Variants in CADM2 observed in about 807,000 individuals in gnomAD.
The protein encoded by CADM2 is cell adhesion molecule 2, also known as immunoglobulin superfamily member 4D.
In CADM2, 12 loss-of-function variants were observed where a neutral mutation model predicts 49.8. That is an observed-to-expected ratio of 0.24 (90% CI 0.15 to 0.39). CADM2 has a LOEUF of 0.39. Ranked by LOEUF, CADM2 falls within the 10% of genes least tolerant of loss-of-function variation. The pLI is 1.00. For synonymous variants in CADM2, 214 were observed against 175.4 expected (o/e 1.22, Z -1.74); for missense variants, 378 against 492.3 (o/e 0.77, Z 2.20).
chr3:85,199,333 T>TTGTGTGTG lies in CADM2; in HGVS notation c.61+239693_61+239700dup, dbSNP rs35067183. Among the ~76,000 whole-genome samples the TTGTGTGTG allele has an allele frequency of 9.0e-3, 1,207 of 134,452 alleles. 12 individuals carry two copies. The highest frequency in any genetic ancestry group is 0.033 in the Middle Eastern group (9 of 272). The allele number at this position is 134,452 out of a possible 152,430, so 88.2% of individuals were successfully genotyped here. On this transcript the variant is annotated intron_variant, in intron 1 of 9. Coordinates refer to ENST00000383699, the MANE Select transcript of CADM2 (RefSeq NM_001167675.2). ...AGAATGTCTTCTGATGTAACTCTCT[T>TTGTGTGTG]TGTGTGTGTGTGTGTGTGTGTGTGT...
intron 3 of CADM2, among the ~76,000 whole-genome samples, chr3:85,815,400 A>G (rs2073149210): frequency 6.6e-6 from 1 of 152,168 alleles, no homozygotes; most frequent in Non-Finnish European, 1.5e-5. Context: ...ATCCACCATG[A>G]TCAAGTCGGC....
chr3:85,257,810 A>C (rs2042923382), intron 1 of CADM2, among the ~76,000 whole-genome samples: 1 of 152,088 alleles, frequency 6.6e-6, no homozygotes, highest in African/African-American at 2.4e-5. Context: ...AGAGTTTTAA[A>C]AATCTATTTA....
At chr3:85,311,197 G>T (rs2044333468) in intron 1 of CADM2, among the ~76,000 whole-genome samples, 2 of 151,722 alleles carry the variant, frequency 1.3e-5, no homozygotes, top group Admixed American at 6.6e-5. Flanking sequence ...CTAATAATAG[G>T]ACTCTTAGCC....
intron 3 of CADM2, among the ~76,000 whole-genome samples, chr3:85,817,164 G>A (rs1033927154): frequency 4.6e-5 from 7 of 152,284 alleles, no homozygotes; most frequent in African/African-American, 1.7e-4. Context: ...GTACCAAAGT[G>A]TGGGTATTTT....
At chr3:85,568,193 C>A (rs890135515) in intron 1 of CADM2, among the ~76,000 whole-genome samples, 2 of 152,150 alleles carry the variant, frequency 1.3e-5, no homozygotes, top group Non-Finnish European at 2.9e-5. Flanking sequence ...GCAGAACCTG[C>A]GTTCTTAGAG....
rs148134910 is a variant in CADM2 at position 85,616,023 on chromosome 3, A to G, written c.62-110499A>G. ...TCTGAGCTTGCACTCTTGGTAAGAC[A>G]GTCTAGTAAGAGCTGATGAGCAGAG... On this transcript the variant is annotated intron_variant, in intron 1 of 9. Transcript: ENST00000383699. Among the ~76,000 whole-genome samples the G allele has an allele frequency of 9.6e-3, 1,454 of 152,142 alleles. 14 individuals carry two copies. The highest frequency in any genetic ancestry group is 0.014 in the Non-Finnish European group (957 of 67,984).
chr3:86,028,037 A>T, intron 8 of CADM2: 1 of 113,736 alleles, frequency 8.8e-6, no homozygotes, highest in Admixed American at 1.2e-4. Context: ...AACATCACAC[A>T]CCGGGGCCTG....
At chr3:85,898,318 A>G (rs1019479482) in intron 5 of CADM2, among the ~76,000 whole-genome samples, 1 of 152,038 alleles carries the variant, frequency 6.6e-6, no homozygotes, top group African/African-American at 2.4e-5. Context: ...CAATATATAG[A>G]TATTTAAATT....
chr3:85,481,382 T>C (rs2039203930), intron 1 of CADM2, among the ~76,000 whole-genome samples: 1 of 151,680 alleles, frequency 6.6e-6, no homozygotes, highest in Non-Finnish European at 1.5e-5. Flanking sequence ...CAAGTAATTA[T>C]TTTTATTCCT....
intron 1 of CADM2, among the ~76,000 whole-genome samples, chr3:85,132,929 T>C (rs142676540): frequency 0.1 from 15,878 of 152,000 alleles, 1,790 homozygotes; most frequent in African/African-American, 0.28. Context: ...TAAGGTGGCG[T>C]GTCTGGAGTT....
intron 1 of CADM2, among the ~76,000 whole-genome samples, chr3:85,473,712 G>T (rs1281953120): frequency 2.0e-5 from 3 of 152,018 alleles, no homozygotes; most frequent in Non-Finnish European, 4.4e-5. Flanking sequence ...GAAGAACTTT[G>T]TGTTATAATT....
At chr3:85,039,069 A>C (rs978499773) in intron 1 of CADM2, among the ~76,000 whole-genome samples, 2 of 152,130 alleles carry the variant, frequency 1.3e-5, no homozygotes, top group African/African-American at 4.8e-5. Flanking sequence ...GAGGAAGGCC[A>C]ATAAATGGTG....
intron 3 of CADM2, among the ~76,000 whole-genome samples, chr3:85,835,825 A>G (rs183189016): frequency 1.3e-5 from 2 of 149,858 alleles, no homozygotes; most frequent in East Asian, 2.0e-4. Flanking sequence ...TTATTATATT[A>G]TATTCCATCT....
chr3:85,946,425 A>C (rs1399943357), intron 7 of CADM2, among the ~76,000 whole-genome samples: 1 of 152,046 alleles, frequency 6.6e-6, no homozygotes, highest in East Asian at 1.9e-4. Context: ...ATTGGAAAAA[A>C]CTACTTTAAA....
intron 1 of CADM2, among the ~76,000 whole-genome samples, chr3:85,543,004 C>A (rs1043287992): frequency 3.3e-5 from 5 of 152,130 alleles, no homozygotes; most frequent in Admixed American, 1.3e-4. Flanking sequence ...GTCAAACTAT[C>A]ATTTTTATCA....
intron 1 of CADM2, among the ~76,000 whole-genome samples, chr3:85,240,970 C>T (rs778290554): frequency 1.3e-5 from 2 of 151,418 alleles, no homozygotes; most frequent in East Asian, 3.9e-4. Flanking sequence ...AAGCATTTAT[C>T]ACTAATGTTA....
chr3:85,561,380 A>T (rs560383241), intron 1 of CADM2, among the ~76,000 whole-genome samples: 8 of 152,186 alleles, frequency 5.3e-5, no homozygotes, highest in Non-Finnish European at 1.2e-4. Flanking sequence ...AGAATGTTTG[A>T]TGTTCGATTT....
At position 85,094,986 on chromosome 3, in the gene CADM2, C is replaced by T. The variant is rs546268102; in HGVS notation, c.61+135318C>T. Among the ~76,000 whole-genome samples, 20 of 152,204 alleles carry T rather than the reference C, an allele frequency of 1.3e-4. No individual in the cohort carries two copies. In the East Asian group the frequency reaches 3.9e-3, roughly 29 times the overall value. On this transcript the variant is annotated intron_variant, in intron 1 of 9. Coordinates refer to ENST00000383699, the MANE Select transcript of CADM2 (RefSeq NM_001167675.2). Reference sequence around the variant, plus strand: ...AAGGACCATGTATATGAATTCTTGACTTACTGAACAATAATCTTTTGATAG... The same window carrying T: ...AAGGACCATGTATATGAATTCTTGATTTACTGAACAATAATCTTTTGATAG...
intron 1 of CADM2, among the ~76,000 whole-genome samples, chr3:85,595,191 G>A (rs2063208683): frequency 6.6e-6 from 1 of 151,964 alleles, no homozygotes; most frequent in African/African-American, 2.4e-5. Context: ...GCTGAACAGA[G>A]CACCAGTAGT....
Sources: allele counts gnomAD v4.1 joint callset (sites outside exome capture counted in the v4.1 genomes callset), GRCh38; gene constraint gnomAD v4.1.1; transcripts MANE v1.5; gene names NCBI Gene and HGNC (gene_info 2026-07-23, HGNC 2026-07-21).